Variants in RAB1A observed in about 807,000 individuals in gnomAD.
RAB1A encodes RAB1A, member RAS oncogene family.
A neutral mutation model predicts 26.0 loss-of-function variants in RAB1A; 2 were observed. The ratio of observed to expected loss-of-function variants is 0.08; its 90% CI spans 0.03 to 0.24. The LOEUF is 0.24. Ranked by LOEUF, RAB1A falls within the 10% of genes least tolerant of loss-of-function variation. The pLI, the probability that RAB1A is intolerant of heterozygous loss-of-function variation, is 1.00. For missense variants in RAB1A, 100 were observed against 247.0 expected (o/e 0.40, Z 3.99); for synonymous variants, 84 against 84.9 (o/e 0.99, Z 0.06).
intron 2 of RAB1A, among the ~76,000 whole-genome samples, chr2:65,103,440 C>A (rs757578257): frequency 1.3e-5 from 2 of 152,060 alleles, no homozygotes; most frequent in African/African-American, 2.4e-5. Flanking sequence ...AAAAATGGCA[C>A]GGCTTGTTTT....
intron 1 of RAB1A, among the ~76,000 whole-genome samples, chr2:65,116,858 A>G (rs1019012981): frequency 1.4e-4 from 22 of 152,254 alleles, no homozygotes; most frequent in African/African-American, 5.1e-4. Flanking sequence ...TGTGCCCTCT[A>G]CAGCAAGAGA....
intron 1 of RAB1A, among the ~76,000 whole-genome samples, chr2:65,120,637 G>A (rs1340445616): frequency 6.6e-6 from 1 of 151,966 alleles, no homozygotes; most frequent in Non-Finnish European, 1.5e-5. Flanking sequence ...GCCTTGGTGT[G>A]AACTGCCTAT....
chr2:65,108,308 G>A (rs575125637), intron 1 of RAB1A, among the ~76,000 whole-genome samples: 125 of 145,402 alleles, frequency 8.6e-4, no homozygotes, highest in African/African-American at 3.0e-3. Context: ...GTTGCAGTGC[G>A]CTGACATCAC....
In RAB1A at chr2:65,087,824, ATTTCCC is replaced by A. The variant is rs1669070869; in HGVS notation, c.*663_*668del. The A allele has an allele frequency of 6.6e-6, 1 of 152,656 alleles. No homozygotes were observed. The highest frequency in any genetic ancestry group is 2.4e-5 in the African/African-American group (1 of 41,450). 9.5% of individuals were successfully genotyped at this position (152,656 alleles called of 1,614,324 possible). Reference sequence around the variant, plus strand: ...TGTGTTGAATATAATGCAAGGCTCTATTTCCCTTTAACCATAAGAATCAAAACAATA... The same window carrying A: ...TGTGTTGAATATAATGCAAGGCTCTATTTAACCATAAGAATCAAAACAATA... On this transcript the variant is annotated 3_prime_UTR_variant, in exon 6 of 6. Transcript: ENST00000409784.
At chr2:65,119,977 G>A (rs1669920100) in intron 1 of RAB1A, among the ~76,000 whole-genome samples, 1 of 151,490 alleles carries the variant, frequency 6.6e-6, no homozygotes, top group African/African-American at 2.4e-5. Flanking sequence ...TAGTAAGTAA[G>A]AAATCCAACT....
At chr2:65,088,748 G>T in intron 5 of RAB1A, 58 bp from the exon 6 acceptor site, 1 of 1,411,050 alleles carries the variant, frequency 7.1e-7, no homozygotes, top group Non-Finnish European at 9.7e-7. Context: ...AATTCTTAGT[G>T]CATTTCTACC....
chr2:65,102,583 T>A (rs116280323), intron 2 of RAB1A, among the ~76,000 whole-genome samples: 20 of 150,722 alleles, frequency 1.3e-4, no homozygotes, highest in African/African-American at 4.9e-4. Context: ...ATCTGTCAAA[T>A]AGCCAATTCT....
intron 1 of RAB1A, among the ~76,000 whole-genome samples, chr2:65,107,472 T>C (rs1416402807): frequency 6.6e-6 from 1 of 151,776 alleles, no homozygotes; most frequent in Admixed American, 6.6e-5. Flanking sequence ...ACTACCATAG[T>C]AGGTTGGTTT....
In RAB1A at chr2:65,119,792, C is replaced by A. The variant is rs1380205749; in HGVS notation, c.23+10101G>T. ...GGCTAAGGTAGGAGGACTGCTTGAGCCAAGGAGCCAGAGACAAGCCTGGGT... is the reference window on the plus strand; with the variant it reads ...GGCTAAGGTAGGAGGACTGCTTGAGACAAGGAGCCAGAGACAAGCCTGGGT... On this transcript the variant is annotated intron_variant, in intron 1 of 5. Transcript: ENST00000409784. 5.2e-5 allele frequency among the ~76,000 whole-genome samples: 6 copies of A among 116,340 alleles called. No individual in the cohort carries two copies. In the South Asian group the frequency reaches 1.7e-3, roughly 32 times the overall value. The allele number at this position is 116,340 out of a possible 152,430, so 76.3% of individuals were successfully genotyped here. A position where few individuals can be genotyped will look rare whatever the true frequency, so the allele number is the denominator to read the frequency against.
chr2:65,094,537 T>A (rs1211679867), intron 3 of RAB1A, among the ~76,000 whole-genome samples: 1 of 145,720 alleles, frequency 6.9e-6, no homozygotes, highest in Non-Finnish European at 1.5e-5. Context: ...TGAGCCGAGA[T>A]CACGCCATTG....
chr2:65,108,545 G>C (rs1467756538), intron 1 of RAB1A, among the ~76,000 whole-genome samples: 1 of 151,898 alleles, frequency 6.6e-6, no homozygotes, highest in Non-Finnish European at 1.5e-5. Context: ...GGCTCAGTGA[G>C]CCTGTAATCC....
intron 1 of RAB1A, among the ~76,000 whole-genome samples, chr2:65,122,392 C>A (rs1005402265): frequency 0.014 from 1,838 of 133,656 alleles, 15 homozygotes; most frequent in Non-Finnish European, 0.02. Context: ...ACAAAAAATA[C>A]AAAAAAAAAA....
intron 1 of RAB1A, among the ~76,000 whole-genome samples, chr2:65,108,980 G>C (rs1438108016): frequency 2.6e-5 from 4 of 152,110 alleles, no homozygotes; most frequent in Admixed American, 2.6e-4. Flanking sequence ...ACATGAGAAA[G>C]GCAAATAAAA....
intron 1 of RAB1A, among the ~76,000 whole-genome samples, chr2:65,126,605 A>T (rs1358039806): frequency 6.6e-6 from 1 of 152,232 alleles, no homozygotes; most frequent in Admixed American, 6.5e-5. Context: ...TTTCTAAAAG[A>T]AACAATATAA....
At chr2:65,090,377 T>C (rs1669143746) in intron 4 of RAB1A, among the ~76,000 whole-genome samples, 1 of 152,206 alleles carries the variant, frequency 6.6e-6, no homozygotes, top group Admixed American at 6.6e-5. Flanking sequence ...AAATCTAAGT[T>C]TCTGATTTAA....
Position 65,088,502 on chromosome 2 carries a change from A to G in RAB1A, c.609T>C (p.Gly203=). The change falls in exon 6 of 6, where the codon GGT becomes GGC. Residue 203 remains glycine, a synonymous_variant. Transcript: ENST00000409784. The part of the protein sequence containing the change: ...QSTPVKQSGG[G]CC ...AGGATGGAGGCAAATTTTAGCAGCA[A>G]CCTCCACCTGACTGCTTGACTGGAG... 4 of 1,603,996 alleles carry G rather than the reference A, an allele frequency of 2.5e-6. No homozygotes were observed. Among genetic ancestry groups the G allele is most frequent in the South Asian group, 2.3e-5 (2 of 88,658 alleles).
intron 1 of RAB1A, among the ~76,000 whole-genome samples, chr2:65,122,016 C>T (rs943813339): frequency 2.6e-5 from 4 of 151,896 alleles, no homozygotes; most frequent in Non-Finnish European, 2.9e-5. Flanking sequence ...ATTAGCTGGC[C>T]GTGGTGGTGG....
chr2:65,125,623 T>C (rs1233217487), intron 1 of RAB1A, among the ~76,000 whole-genome samples: 1 of 151,806 alleles, frequency 6.6e-6, no homozygotes, highest in African/African-American at 2.4e-5. Flanking sequence ...TGTCTCATCA[T>C]GTTGGCCAGG....
At chr2:65,093,734 T>C (rs1043404930) in intron 3 of RAB1A, among the ~76,000 whole-genome samples, 7 of 150,726 alleles carry the variant, frequency 4.6e-5, no homozygotes, top group African/African-American at 1.7e-4. Flanking sequence ...GTGATTCCCC[T>C]GTCTCAGCCT....
Sources: allele counts gnomAD v4.1 joint callset (sites outside exome capture counted in the v4.1 genomes callset), GRCh38; gene constraint gnomAD v4.1.1; transcripts MANE v1.5; gene names NCBI Gene and HGNC (gene_info 2026-07-23, HGNC 2026-07-21).